Variants in FER observed in about 807,000 individuals in gnomAD.
FER encodes FER tyrosine kinase.
In FER, 63 loss-of-function variants were observed where a neutral mutation model predicts 111.0. The ratio of observed to expected loss-of-function variants is 0.57; its 90% CI spans 0.46 to 0.70. The LOEUF (loss-of-function observed/expected upper bound fraction) is 0.70. Ranked by LOEUF, FER falls within the 30% of genes least tolerant of loss-of-function variation. The pLI is 0.00. For synonymous variants in FER, 327 were observed against 313.9 expected (o/e 1.04, Z -0.44); for missense variants, 914 against 954.0 (o/e 0.96, Z 0.55).
At position 109,195,870 on chromosome 5, in the gene FER, A is replaced by G. The variant is rs559803753; in HGVS notation, c.*8295A>G. On this transcript the variant is annotated 3_prime_UTR_variant, in exon 20 of 20. Coordinates refer to ENST00000281092, the MANE Select transcript of FER (RefSeq NM_005246.4). ...TAAATGCATTAAGTTAGATGGCCCAATTGAGCATCTGAATGAATATAGTGG... is the reference window on the plus strand; with the variant it reads ...TAAATGCATTAAGTTAGATGGCCCAGTTGAGCATCTGAATGAATATAGTGG... The G allele has an allele frequency of 5.9e-5, 9 of 152,332 alleles. No homozygotes were observed. The highest frequency in any genetic ancestry group is 3.4e-3 in the Middle Eastern group (1 of 294). The allele number at this position is 152,332 out of a possible 1,614,324, so 9.4% of individuals were successfully genotyped here.
At chr5:108,759,141 A>C (rs934726554) in intron 1 of FER, among the ~76,000 whole-genome samples, 12 of 152,236 alleles carry the variant, frequency 7.9e-5, no homozygotes, top group African/African-American at 2.9e-4. Flanking sequence ...GCCAGTTTTC[A>C]GTGATAGAAG....
chr5:108,872,274 C>A (rs904185513), intron 8 of FER, 62 bp downstream of exon 8: 1 of 1,425,014 alleles, frequency 7.0e-7, no homozygotes. Context: ...TATTGTTGTA[C>A]TCAGATTTAA....
chr5:109,090,081 C>T lies in FER; in HGVS notation c.1925-10315C>T, dbSNP rs530383692. ...GGAGGTCTGTCTGAAGGACTGGTAT[C>T]TGTGTTGCCTACTCACCACTGCTGA... On this transcript the variant is annotated intron_variant, in intron 16 of 19. Transcript: ENST00000281092. Among the ~76,000 whole-genome samples the T allele has an allele frequency of 2.0e-5, 3 of 152,248 alleles. No homozygotes were observed. The East Asian group carries it at 5.8e-4, about 29-fold the overall frequency.
intron 17 of FER, among the ~76,000 whole-genome samples, chr5:109,180,358 C>A (rs1312430753): frequency 1.3e-5 from 2 of 152,140 alleles, no homozygotes; most frequent in African/African-American, 4.8e-5. Flanking sequence ...GTCACACTAG[C>A]CACATTGCAG....
At chr5:109,130,382 G>A (rs111748466) in intron 17 of FER, among the ~76,000 whole-genome samples, 4,002 of 152,018 alleles carry the variant, frequency 0.026, 202 homozygotes, top group African/African-American at 0.091. Context: ...TATTAAAGAT[G>A]CCATAGTGTA....
intron 5 of FER, among the ~76,000 whole-genome samples, chr5:108,857,953 C>T (rs1313824279): frequency 6.6e-6 from 1 of 152,144 alleles, no homozygotes; most frequent in Non-Finnish European, 1.5e-5. Context: ...TTCCATTTCT[C>T]TATGAAACCC....
chr5:108,976,950 G>A (rs978584287), intron 13 of FER, among the ~76,000 whole-genome samples: 19 of 152,152 alleles, frequency 1.2e-4, no homozygotes, highest in Non-Finnish European at 2.8e-4. Context: ...GTCCCATGGT[G>A]TTATTCAAGG....
chr5:108,752,237 A>C (rs1324392024), intron 1 of FER, among the ~76,000 whole-genome samples: 3 of 151,198 alleles, frequency 2.0e-5, no homozygotes. Flanking sequence ...CCCTTTTTTT[A>C]CTCCTTTTCT....
chr5:108,822,514 A>G (rs1002423371), intron 3 of FER, among the ~76,000 whole-genome samples: 22 of 152,126 alleles, frequency 1.4e-4, no homozygotes, highest in African/African-American at 5.1e-4. Flanking sequence ...GAGAAAATCC[A>G]GGGACTTTAT....
At chr5:108,811,474 T>G (rs145124398) in intron 3 of FER, among the ~76,000 whole-genome samples, 72 of 152,322 alleles carry the variant, frequency 4.7e-4, no homozygotes, top group Non-Finnish European at 8.7e-4. Context: ...TAGTTTGTCT[T>G]GGTAAATATT....
intron 16 of FER, among the ~76,000 whole-genome samples, chr5:109,088,875 C>A (rs1355586046): frequency 6.6e-6 from 1 of 152,014 alleles, no homozygotes; most frequent in Non-Finnish European, 1.5e-5. Flanking sequence ...AAAGAACAGC[C>A]TCTTATAGAG....
At chr5:109,169,630 C>G (rs1756900141) in intron 17 of FER, among the ~76,000 whole-genome samples, 1 of 152,118 alleles carries the variant, frequency 6.6e-6, no homozygotes, top group Non-Finnish European at 1.5e-5. Context: ...ATACTGAAAA[C>G]TGTTTTCCAT....
intron 10 of FER, among the ~76,000 whole-genome samples, chr5:108,926,107 T>C (rs183226685): frequency 1.2e-4 from 18 of 151,748 alleles, no homozygotes; most frequent in Admixed American, 5.9e-4. Flanking sequence ...TTTCAAAACA[T>C]TTTGTGCTTT....
chr5:108,981,004 A>G lies in FER; in HGVS notation c.1656+21657A>G, dbSNP rs146044429. On this transcript the variant is annotated intron_variant, in intron 13 of 19. Transcript: ENST00000281092. ...TGAGCACACGCTGTTGGAAAATGAC[A>G]TCAATAGACTTGATTGACCCACGGT... Among the ~76,000 whole-genome samples the G allele has an allele frequency of 4.4e-3, 668 of 152,260 alleles. 4 individuals are homozygous for G. The highest frequency in any genetic ancestry group is 0.016 in the African/African-American group (647 of 41,570).
intron 3 of FER, chr5:108,819,915 G>A (rs1758668962): frequency 2.0e-6 from 2 of 985,288 alleles, no homozygotes; most frequent in Admixed American, 6.1e-5. Context: ...GGTTGATTGG[G>A]TTGGAGGAGG....
At chr5:109,126,360 T>C (rs553249572) in intron 17 of FER, among the ~76,000 whole-genome samples, 1 of 152,286 alleles carries the variant, frequency 6.6e-6, no homozygotes, top group Admixed American at 6.5e-5. Context: ...ACAGGAGCAA[T>C]ACTCTTTTGC....
At chr5:109,088,655 T>A (rs1777827026) in intron 16 of FER, among the ~76,000 whole-genome samples, 1 of 152,118 alleles carries the variant, frequency 6.6e-6, no homozygotes, top group African/African-American at 2.4e-5. Context: ...TGTTCTAAGA[T>A]TATTAATGCT....
intron 15 of FER, 32 bp from the exon 16 acceptor site, chr5:109,047,072 G>A (rs1275560607): frequency 1.8e-6 from 2 of 1,117,154 alleles, no homozygotes. Flanking sequence ...TTATTCAAAT[G>A]ATAACTATTC....
chr5:108,935,402 A>G (rs528937714), intron 10 of FER, among the ~76,000 whole-genome samples: 1 of 152,024 alleles, frequency 6.6e-6, no homozygotes, highest in Non-Finnish European at 1.5e-5. Flanking sequence ...CTTACGAGGA[A>G]ACTTGTCATT....
Sources: allele counts gnomAD v4.1 joint callset (sites outside exome capture counted in the v4.1 genomes callset), GRCh38; gene constraint gnomAD v4.1.1; transcripts MANE v1.5; gene names NCBI Gene and HGNC (gene_info 2026-07-23, HGNC 2026-07-21).